Variants in SCOC observed in about 807,000 individuals in gnomAD.
SCOC encodes the protein short coiled coil protein.
SCOC carries 7 observed loss-of-function variants against 9.9 expected under a neutral mutation model. The ratio of observed to expected loss-of-function variants is 0.71; its 90% CI spans 0.40 to 1.33. The LOEUF (loss-of-function observed/expected upper bound fraction) is 1.33. Among genes scored for constraint, SCOC ranks in the 40% most tolerant of loss-of-function variants. SCOC has a pLI of 0.01. For synonymous variants in SCOC, 19 were observed against 28.2 expected (o/e 0.67, Z 1.03); for missense variants, 66 against 89.7 (o/e 0.74, Z 1.07).
intron 1 of SCOC, among the ~76,000 whole-genome samples, chr4:140,259,776 C>T (rs1385462456): frequency 6.6e-6 from 1 of 152,210 alleles, no homozygotes; most frequent in Non-Finnish European, 1.5e-5. Context: ...TCCAATTTCC[C>T]TCTAAGAAGA....
chr4:140,292,895 T>C (rs1250268576), intron 1 of SCOC, among the ~76,000 whole-genome samples: 2 of 152,216 alleles, frequency 1.3e-5, no homozygotes, highest in Non-Finnish European at 2.9e-5. Context: ...TAAGCATCAC[T>C]GGGGCTTTGA....
At position 140,385,716 on chromosome 4, in the gene SCOC, G is replaced by A. The variant is rs1182316985; in HGVS notation, c.*4612G>A. The A allele has an allele frequency of 1.3e-5, 2 of 152,102 alleles. No homozygotes were observed. Among genetic ancestry groups the A allele is most frequent in the African/African-American group, 2.4e-5 (1 of 41,404 alleles). The allele number at this position is 152,102 out of a possible 1,614,324, so 9.4% of individuals were successfully genotyped here. A position where few individuals can be genotyped will look rare whatever the true frequency, so the allele number is the denominator to read the frequency against. Reference sequence around the variant, plus strand: ...CTTTACTTTGCCCAATAAAAATTTTGTTATTCCCTGAACACTTTGTGGTGA... The same window carrying A: ...CTTTACTTTGCCCAATAAAAATTTTATTATTCCCTGAACACTTTGTGGTGA... On this transcript the variant is annotated 3_prime_UTR_variant, in exon 4 of 4. Transcript: ENST00000608372.
At chr4:140,328,120 T>G (rs1416077822) in intron 1 of SCOC, among the ~76,000 whole-genome samples, 3 of 152,204 alleles carry the variant, frequency 2.0e-5, no homozygotes, top group Admixed American at 1.3e-4. Context: ...GGGAACATGC[T>G]GAGAAGAAAG....
intron 1 of SCOC, among the ~76,000 whole-genome samples, chr4:140,307,229 G>T (rs879586379): frequency 6.6e-6 from 1 of 152,152 alleles, no homozygotes; most frequent in Admixed American, 6.5e-5. Flanking sequence ...TCAGTCTAAG[G>T]TATTTTATTA....
At chr4:140,266,880 A>G (rs1417157755) in intron 1 of SCOC, among the ~76,000 whole-genome samples, 2 of 152,172 alleles carry the variant, frequency 1.3e-5, no homozygotes, top group Non-Finnish European at 2.9e-5. Flanking sequence ...ATTAATTAGT[A>G]TTGAGGAGAT....
chr4:140,258,591 G>A (rs1730562192), intron 1 of SCOC, among the ~76,000 whole-genome samples: 1 of 152,264 alleles, frequency 6.6e-6, no homozygotes, highest in South Asian at 2.1e-4. Context: ...ACCACTTAAA[G>A]TTCCTTATTT....
intron 1 of SCOC, among the ~76,000 whole-genome samples, chr4:140,317,834 G>A (rs1732373663): frequency 7.1e-6 from 1 of 140,362 alleles, no homozygotes. Context: ...ATCTCCCAGT[G>A]CTATCCCTCC....
intron 1 of SCOC, among the ~76,000 whole-genome samples, chr4:140,304,373 G>T (rs539646795): frequency 6.6e-6 from 1 of 152,212 alleles, no homozygotes; most frequent in South Asian, 2.1e-4. Context: ...TGTTGATTTT[G>T]AAATTCTAGT....
intron 1 of SCOC, among the ~76,000 whole-genome samples, chr4:140,279,249 T>A (rs917633743): frequency 6.6e-6 from 1 of 152,196 alleles, no homozygotes; most frequent in African/African-American, 2.4e-5. Flanking sequence ...CAGAGACCCA[T>A]CCAGGTCAGA....
At chr4:140,279,733 C>T (rs1731058531) in intron 1 of SCOC, among the ~76,000 whole-genome samples, 1 of 152,168 alleles carries the variant, frequency 6.6e-6, no homozygotes, top group African/African-American at 2.4e-5. Flanking sequence ...ACCTTAGGTG[C>T]TGTAACAAAG....
At chr4:140,302,104 G>C (rs1413996041) in intron 1 of SCOC, among the ~76,000 whole-genome samples, 1 of 152,164 alleles carries the variant, frequency 6.6e-6, no homozygotes, top group Non-Finnish European at 1.5e-5. Flanking sequence ...AAGGTGCTGG[G>C]ATTACAGGCA....
At chr4:140,375,243 T>C (rs1728292648) in intron 1 of SCOC, among the ~76,000 whole-genome samples, 1 of 152,208 alleles carries the variant, frequency 6.6e-6, no homozygotes, top group Non-Finnish European at 1.5e-5. Context: ...TTAAATTCTT[T>C]CTGTTGCCCA....
chr4:140,362,273 C>CTGTTCTTCTTCCTCTTCTT, intron 2 of SCOC, among the ~76,000 whole-genome samples: 1 of 29,076 alleles, frequency 3.4e-5, no homozygotes, highest in Non-Finnish European at 7.6e-5. Flanking sequence ...ACAGGTGTGT[C>CTGTTCTTCTTCCTCTTCTT]CTTACTTCTT....
chr4:140,373,846 G>T (rs1728189922), intron 1 of SCOC, 129 bp downstream of exon 1: 4 of 1,032,322 alleles, frequency 3.9e-6, no homozygotes, highest in Non-Finnish European at 5.8e-6. Context: ...CGGGAGGAGC[G>T]GTCTCGGGCC....
At chr4:140,342,611 T>C (rs1216752815), upstream of SCOC, among the ~76,000 whole-genome samples, 1 of 152,204 alleles carries the variant, frequency 6.6e-6, no homozygotes, top group Non-Finnish European at 1.5e-5. Context: ...AAATATTATA[T>C]GTATCAAAGC....
At chr4:140,300,085 C>T (rs578078163) in intron 1 of SCOC, among the ~76,000 whole-genome samples, 1 of 152,248 alleles carries the variant, frequency 6.6e-6, no homozygotes, top group East Asian at 1.9e-4. Flanking sequence ...TTGAAGGGAG[C>T]TGGGAAATCT....
intron 2 of SCOC, among the ~76,000 whole-genome samples, chr4:140,348,304 C>G (rs1043881588): frequency 1.3e-5 from 2 of 152,024 alleles, no homozygotes; most frequent in African/African-American, 4.8e-5. Flanking sequence ...CCAACATCTC[C>G]GCAATATCCT....
chr4:140,289,153 G>A (rs759830790), intron 1 of SCOC, among the ~76,000 whole-genome samples: 4 of 152,194 alleles, frequency 2.6e-5, no homozygotes, highest in Non-Finnish European at 5.9e-5. Flanking sequence ...CTCTAACATT[G>A]CAGAGCCCAG....
chr4:140,285,041 C>T (rs1009083559), intron 1 of SCOC: 3 of 376,760 alleles, frequency 8.0e-6, no homozygotes, highest in African/African-American at 2.1e-5. Flanking sequence ...GTGTGCCAGC[C>T]ATTGTGTTAA....
Sources: allele counts gnomAD v4.1 joint callset (sites outside exome capture counted in the v4.1 genomes callset), GRCh38; gene constraint gnomAD v4.1.1; transcripts MANE v1.5; gene names NCBI Gene and HGNC (gene_info 2026-07-23, HGNC 2026-07-21).